Variants in CCDC127 observed in about 807,000 individuals in gnomAD.
CCDC127 encodes the protein coiled-coil domain-containing protein 127.
Under a neutral mutation model 4.1 loss-of-function variants are expected in CCDC127, and 2 were observed. The ratio of observed to expected loss-of-function variants is 0.49; its 90% CI spans 0.20 to 1.53. The LOEUF (loss-of-function observed/expected upper bound fraction) is 1.53. Among genes scored for constraint, CCDC127 ranks in the 40% most tolerant of loss-of-function variants. The pLI, the probability that CCDC127 is intolerant of heterozygous loss-of-function variation, is 0.23. For synonymous variants in CCDC127, 98 were observed against 120.4 expected, an observed-to-expected ratio of 0.81 and a Z score of 1.22; for missense variants, 271 against 322.9, an observed-to-expected ratio of 0.84 and a Z score of 1.23.
At position 218,096 on chromosome 5, in the gene CCDC127, G is replaced by T; in HGVS notation, c.-14C>A. ...CCCGGAACAGGGCCCGCTCTACCTC[G>T]GTCGGGGAGCGCGGGACCTCAGCGT... On this transcript the variant is annotated 5_prime_UTR_variant, in exon 1 of 3. Coordinates refer to ENST00000296824, the MANE Select transcript of CCDC127 (RefSeq NM_145265.3). 8.3e-7 allele frequency: 1 copy of T among 1,198,850 alleles called. No individual in the cohort carries two copies. The highest frequency in any genetic ancestry group is 1.0e-6 in the Non-Finnish European group (1 of 964,544). The allele number at this position is 1,198,850 out of a possible 1,614,324, so 74.3% of individuals were successfully genotyped here. A position where few individuals can be genotyped will look rare whatever the true frequency, so the allele number is the denominator to read the frequency against.
chr5:217,935 C>G (rs1354166884), intron 1 of CCDC127, among the ~76,000 whole-genome samples, 158 bp downstream of exon 1: 1 of 152,246 alleles, frequency 6.6e-6, no homozygotes, highest in African/African-American at 2.4e-5. Flanking sequence ...AGGCCCCGGG[C>G]CGCTCCCGCC....
rs1466102639 is a variant in CCDC127, at chr5:200,437, G to A, written c.*4860C>T. ...CCGCCCGCTGGAGCAGGCCAGGCAG[G>A]GGGCAGGCTCAGGAGCTGTGGGAAC... On this transcript the variant is annotated 3_prime_UTR_variant, in exon 3 of 3. Coordinates refer to ENST00000296824, the MANE Select transcript of CCDC127 (RefSeq NM_145265.3). 1 of 152,418 alleles carries A rather than the reference G, an allele frequency of 6.6e-6. No homozygotes were observed. Among genetic ancestry groups the A allele is most frequent in the Non-Finnish European group, 1.5e-5 (1 of 68,170 alleles). The allele number at this position is 152,418 out of a possible 1,614,324, so 9.4% of individuals were successfully genotyped here.
intron 2 of CCDC127, among the ~76,000 whole-genome samples, chr5:210,544 G>T (rs577439750): frequency 6.6e-6 from 1 of 152,214 alleles, no homozygotes. Flanking sequence ...AGAGGTGCTC[G>T]ACATCACACC....
intron 2 of CCDC127, among the ~76,000 whole-genome samples, chr5:209,894 A>C (rs565612818): frequency 2.6e-5 from 4 of 152,298 alleles, no homozygotes; most frequent in Admixed American, 2.0e-4. Flanking sequence ...CCAAAAAAAA[A>C]CGGACCAAAT....
At chr5:215,173 G>A (rs1280950733) in intron 2 of CCDC127, 2 of 152,114 alleles carry the variant, frequency 1.3e-5, no homozygotes, top group African/African-American at 4.8e-5. Flanking sequence ...ACGCTCCTAT[G>A]TGCAACAGAA....
At chr5:212,121 C>T (rs71583061) in intron 2 of CCDC127, among the ~76,000 whole-genome samples, 1 of 42,934 alleles carries the variant, frequency 2.3e-5, no homozygotes, top group Non-Finnish European at 4.4e-5. Flanking sequence ...ACTGCAGCCA[C>T]GATGAGACAG....
chr5:218,026 G>C lies in CCDC127; in HGVS notation c.-11+67C>G, dbSNP rs1411359879. The C allele has an allele frequency of 5.2e-6, 5 of 966,730 alleles. No individual in the cohort carries two copies. In the African/African-American group the frequency reaches 6.8e-5, roughly 13 times the overall value. The allele number at this position is 966,730 out of a possible 1,614,324, so 59.9% of individuals were successfully genotyped here. A position where few individuals can be genotyped will look rare whatever the true frequency, so the allele number is the denominator to read the frequency against. On this transcript the variant is annotated intron_variant, in intron 1 of 2. Coordinates refer to ENST00000296824, the MANE Select transcript of CCDC127 (RefSeq NM_145265.3). Reference sequence around the variant, plus strand: ...AGGCCCTTCGGTCTGGGCGATCCCGGAGAACCACCCACGGGGCTTTAAAAA... The same window carrying C: ...AGGCCCTTCGGTCTGGGCGATCCCGCAGAACCACCCACGGGGCTTTAAAAA...
intron 2 of CCDC127, chr5:214,316 AGGGTACACG>A (rs914332197): frequency 6.6e-6 from 1 of 152,200 alleles, no homozygotes; most frequent in Admixed American, 6.5e-5. Context: ...AGCTGGGTAG[AGGGTACACG>A]GGCTCTCTGC....
At chr5:206,913 T>C (rs1734187611) in intron 2 of CCDC127, among the ~76,000 whole-genome samples, 1 of 152,134 alleles carries the variant, frequency 6.6e-6, no homozygotes, top group African/African-American at 2.4e-5. Context: ...CAGTCTGGGT[T>C]CCCTCGTGTG....
In CCDC127 at chr5:200,264, T is replaced by C. The variant is rs1190183415; in HGVS notation, c.*5033A>G. On this transcript the variant is annotated 3_prime_UTR_variant, in exon 3 of 3. Transcript: ENST00000296824. ...CCTTCCACCGCATGCCTGCTGTCCA[T>C]GGGTGGCTTACTGAAGCCCTTCGTT... 6.6e-6 allele frequency: 1 copy of C among 152,294 alleles called. No individual in the cohort carries two copies. Among genetic ancestry groups the C allele is most frequent in the Non-Finnish European group, 1.5e-5 (1 of 68,064 alleles). The allele number at this position is 152,294 out of a possible 1,614,324, so 9.4% of individuals were successfully genotyped here. A position where few individuals can be genotyped will look rare whatever the true frequency, so the allele number is the denominator to read the frequency against.
At chr5:210,248 C>A (rs201674252) in intron 2 of CCDC127, among the ~76,000 whole-genome samples, 1 of 152,186 alleles carries the variant, frequency 6.6e-6, no homozygotes, top group Non-Finnish European at 1.5e-5. Flanking sequence ...AATTCTTAGA[C>A]TTTCCACAAA....
chr5:213,996 G>A (rs956175230), intron 2 of CCDC127: 3 of 152,134 alleles, frequency 2.0e-5, no homozygotes, highest in East Asian at 3.8e-4. Flanking sequence ...CATAAAACAC[G>A]ACTCAGCAAT....
rs1734162671 is a variant in CCDC127 at position 205,912 on chromosome 5, T to C, written c.168A>G (p.Arg56=). ...CAGCAGTTCTCCGACGGTAGGCTTCTCTCTCTTTTTCTACTTCTTTCTGGG... is the reference window on the plus strand; with the variant it reads ...CAGCAGTTCTCCGACGGTAGGCTTCCCTCTCTTTTTCTACTTCTTTCTGGG... ...RESQKEVEKE[R]EAYRRRTAAF... The change falls in exon 3 of 3, where the codon AGA becomes AGG. Residue 56 remains arginine, a synonymous_variant. Transcript: ENST00000296824. 6.2e-7 allele frequency: 1 copy of C among 1,613,924 alleles called. No homozygotes were observed. The highest frequency in any genetic ancestry group is 1.1e-5 in the South Asian group (1 of 91,070).
At position 198,224 on chromosome 5, in the gene CCDC127, C is replaced by T. The variant is rs1396103537; in HGVS notation, c.*7073G>A. The T allele has an allele frequency of 6.6e-6, 1 of 152,318 alleles. No homozygotes were observed. Among genetic ancestry groups the T allele is most frequent in the Non-Finnish European group, 1.5e-5 (1 of 68,084 alleles). The allele number at this position is 152,318 out of a possible 1,614,324, so 9.4% of individuals were successfully genotyped here. ...TCGTCTCTGCCTGCTCTGCAACCAC[C>T]TAAGTGCTCTCTGCACACTGCAGGC... is the stretch of plus-strand genomic sequence containing the variant. On this transcript the variant is annotated 3_prime_UTR_variant, in exon 3 of 3. Coordinates refer to ENST00000296824, the MANE Select transcript of CCDC127 (RefSeq NM_145265.3).
chr5:207,019 T>C (rs1734189731), intron 2 of CCDC127, among the ~76,000 whole-genome samples: 1 of 152,178 alleles, frequency 6.6e-6, no homozygotes, highest in Non-Finnish European at 1.5e-5. Flanking sequence ...TTAATGGTTC[T>C]CTTCCTCCTC....
Position 201,340 on chromosome 5 carries a change from G to A in CCDC127, c.*3957C>T, listed in dbSNP as rs1320634986. 1 of 152,204 alleles carries A rather than the reference G, an allele frequency of 6.6e-6. No homozygotes were observed. Among genetic ancestry groups the A allele is most frequent in the Admixed American group, 6.5e-5 (1 of 15,278 alleles). The allele number at this position is 152,204 out of a possible 1,614,324, so 9.4% of individuals were successfully genotyped here. On this transcript the variant is annotated 3_prime_UTR_variant, in exon 3 of 3. Coordinates refer to ENST00000296824, the MANE Select transcript of CCDC127 (RefSeq NM_145265.3). Reference sequence around the variant, plus strand: ...CCTTCTGCTTAAAGAGATGATCTTAGTACACTATGAAGCAATCACTTTTTA... The same window carrying A: ...CCTTCTGCTTAAAGAGATGATCTTAATACACTATGAAGCAATCACTTTTTA...
rs187077091 is a variant in CCDC127 at position 199,526 on chromosome 5, C to G, written c.*5771G>C. ...GGTGGGGGCACCGTGCTTGTCCCCC[C>G]CCATCTTGATGCCTGCCAGTCACCC... On this transcript the variant is annotated 3_prime_UTR_variant, in exon 3 of 3. Transcript: ENST00000296824. 1.3e-5 allele frequency: 2 copies of G among 152,922 alleles called. No individual in the cohort carries two copies. Among genetic ancestry groups the G allele is most frequent in the African/African-American group, 4.8e-5 (2 of 41,400 alleles). 9.5% of individuals were successfully genotyped at this position (152,922 alleles called of 1,614,324 possible).
chr5:202,018 T>C lies in CCDC127; in HGVS notation c.*3279A>G, dbSNP rs1175367659. The C allele has an allele frequency of 1.3e-5, 2 of 152,224 alleles. No homozygotes were observed. The highest frequency in any genetic ancestry group is 1.9e-4 in the East Asian group (1 of 5,196). The allele number at this position is 152,224 out of a possible 1,614,324, so 9.4% of individuals were successfully genotyped here. ...TCCAAGAAAGCAGCAGGACAAATAATGCTTGACTCTGATGTCGCTACAAAT... is the reference window on the plus strand; with the variant it reads ...TCCAAGAAAGCAGCAGGACAAATAACGCTTGACTCTGATGTCGCTACAAAT... On this transcript the variant is annotated 3_prime_UTR_variant, in exon 3 of 3. Coordinates refer to ENST00000296824, the MANE Select transcript of CCDC127 (RefSeq NM_145265.3).
In CCDC127 at chr5:204,141, G is replaced by A. The variant is rs1734123548; in HGVS notation, c.*1156C>T. The A allele has an allele frequency of 6.6e-6, 1 of 152,264 alleles. No individual in the cohort carries two copies. Among genetic ancestry groups the A allele is most frequent in the African/African-American group, 2.4e-5 (1 of 41,456 alleles). The allele number at this position is 152,264 out of a possible 1,614,324, so 9.4% of individuals were successfully genotyped here. ...GTGAGCTTATTCTTAATAGTTAGGT[G>A]TGTCCTGTATGACTCCAGGGAGTGG... On this transcript the variant is annotated 3_prime_UTR_variant, in exon 3 of 3. Transcript: ENST00000296824.
Sources: gnomAD v4.1 joint callset for allele counts (sites outside exome capture counted in the v4.1 genomes callset) on GRCh38, gnomAD v4.1.1 for gene constraint, MANE v1.5 for transcripts, NCBI Gene and HGNC (gene_info 2026-07-23, HGNC 2026-07-21) for gene names.